PCDHGB1: variants seen among roughly 807,000 people sequenced by gnomAD.
PCDHGB1 encodes protocadherin gamma-B1.
A neutral mutation model predicts 56.6 loss-of-function variants in PCDHGB1; 34 were observed. The observed-to-expected ratio is 0.60, with a 90% CI of 0.46 to 0.80. PCDHGB1 has a LOEUF of 0.80. Among genes scored for constraint, PCDHGB1 ranks in the 30% least tolerant of loss-of-function variants. The pLI is 0.00. For missense variants in PCDHGB1, 1,278 were observed against 1,204.6 expected (o/e 1.06, Z -0.90); for synonymous variants, 561 against 505.9 (o/e 1.11, Z -1.46).
intron 1 of PCDHGB1, chr5:141,399,483 C>G (rs753137844): frequency 6.2e-7 from 1 of 1,613,930 alleles, no homozygotes; most frequent in African/African-American, 1.3e-5. Context: ...ACCAGGCGTC[C>G]TACTTAGTCA....
chr5:141,422,670 C>T, intron 1 of PCDHGB1: 1 of 1,607,244 alleles, frequency 6.2e-7, no homozygotes, highest in Non-Finnish European at 8.5e-7. Flanking sequence ...TCGACCCGGA[C>T]AGCAAACAGA....
At chr5:141,390,867 CGT>C (rs61319619) in intron 1 of PCDHGB1, 8,912 of 150,888 alleles carry the variant, frequency 0.059, 387 homozygotes, top group African/African-American at 0.12. Context: ...GCTGTGTGTG[CGT>C]GTGTGTGTGT....
intron 1 of PCDHGB1, chr5:141,404,823 G>A (rs1283913930): frequency 6.2e-7 from 1 of 1,610,946 alleles, no homozygotes. Flanking sequence ...CTGCACACAG[G>A]TGAAGTGCGC....
intron 1 of PCDHGB1, chr5:141,413,621 A>G (rs369411784): frequency 1.0e-4 from 161 of 1,613,784 alleles, no homozygotes; most frequent in Admixed American, 1.5e-4. Flanking sequence ...ATTAATGAAA[A>G]TGTCGCTGCG....
At chr5:141,375,619 G>A (rs373115950) in intron 1 of PCDHGB1, 123 of 1,614,098 alleles carry the variant, frequency 7.6e-5, no homozygotes, top group Non-Finnish European at 1.0e-4. Context: ...CCGACACTGG[G>A]ATTCTGTACG....
chr5:141,355,438 C>G, intron 1 of PCDHGB1: 3 of 1,614,084 alleles, frequency 1.9e-6, no homozygotes, highest in Non-Finnish European at 2.5e-6. Flanking sequence ...CCTGAACCCG[C>G]GCAGCGGCAC....
intron 1 of PCDHGB1, chr5:141,421,914 T>C: frequency 4.3e-6 from 7 of 1,613,742 alleles, no homozygotes; most frequent in Non-Finnish European, 5.9e-6. Flanking sequence ...CAGTTCCCAT[T>C]CGTGTGGTGG....
rs144695545 is a variant in PCDHGB1, at chr5:141,487,156, C to G, written c.2410-7651C>G. ...CACCACTCTCTACCTCTGTTACTCT[C>G]TTAGTGTCCTTAGAGGAAGACACTC... On this transcript the variant is annotated intron_variant, in intron 1 of 3. Transcript: ENST00000523390. This position sits in a 1 kb window ranked among gnomAD's most constrained non-coding sequence, Gnocchi z 5.0. 105 of 1,613,896 alleles carry G rather than the reference C, an allele frequency of 6.5e-5. No homozygotes were observed. In the African/African-American group the frequency reaches 1.2e-3, roughly 18 times the overall value.
rs199952854 is a variant in PCDHGB1 at position 141,477,297 on chromosome 5, G to T, written c.2410-17510G>T. 4 of 1,614,176 alleles carry T rather than the reference G, an allele frequency of 2.5e-6. No individual in the cohort carries two copies. Among genetic ancestry groups the T allele is most frequent in the Non-Finnish European group, 3.4e-6 (4 of 1,180,040 alleles). On this transcript the variant is annotated intron_variant, in intron 1 of 3. Coordinates refer to ENST00000523390, the MANE Select transcript of PCDHGB1 (RefSeq NM_018922.3). The surrounding 1 kb of genome is among the most constrained non-coding windows in gnomAD (Gnocchi z 4.9). ...CTGGTGACCTGCGAAGTTCCACCGGGTCTCCCTTTCAGCCTTACTTCTTCC... is the reference window on the plus strand; with the variant it reads ...CTGGTGACCTGCGAAGTTCCACCGGTTCTCCCTTTCAGCCTTACTTCTTCC...
chr5:141,353,496 T>C lies in PCDHGB1; in HGVS notation c.2409+827T>C, dbSNP rs568186327. ...TTAAGACTCTTAACACTTTGTCTCA[T>C]CACAAGTAGCAAATATTGTCCAATT... On this transcript the variant is annotated intron_variant, in intron 1 of 3. Coordinates refer to ENST00000523390, the MANE Select transcript of PCDHGB1 (RefSeq NM_018922.3). 2.6e-5 allele frequency among the ~76,000 whole-genome samples: 4 copies of C among 152,300 alleles called. No individual in the cohort carries two copies. The South Asian group carries it at 8.3e-4, about 32-fold the overall frequency.
intron 1 of PCDHGB1, chr5:141,418,797 A>T (rs201246978): frequency 1.9e-6 from 3 of 1,613,896 alleles, no homozygotes; most frequent in Non-Finnish European, 2.5e-6. Flanking sequence ...GAAGAAGTAG[A>T]AAGATATACG....
chr5:141,432,946 A>G lies in PCDHGB1; in HGVS notation c.2410-61861A>G. 2 of 1,614,130 alleles carry G rather than the reference A, an allele frequency of 1.2e-6. No individual in the cohort carries two copies. The highest frequency in any genetic ancestry group is 1.1e-5 in the South Asian group (1 of 91,080). ...AGTCACGCCTGCTGCAGGCTTCAGG[A>G]GGCGGCTTGACAGGAGCGCCGGCGT... is the stretch of plus-strand genomic sequence containing the variant. On this transcript the variant is annotated intron_variant, in intron 1 of 3. Coordinates refer to ENST00000523390, the MANE Select transcript of PCDHGB1 (RefSeq NM_018922.3). This position sits in a 1 kb window ranked among gnomAD's most constrained non-coding sequence, Gnocchi z 6.0.
In PCDHGB1 at chr5:141,490,242, T is replaced by G. The variant is rs2099697678; in HGVS notation, c.2410-4565T>G. 6.2e-7 allele frequency: 1 copy of G among 1,614,194 alleles called. No individual in the cohort carries two copies. The highest frequency in any genetic ancestry group is 8.5e-7 in the Non-Finnish European group (1 of 1,180,028). ...GACAGCCTGCCATGGAGGGCCACTG[T>G]GTGATTCAAGTGGATGTGGGGGATG... On this transcript the variant is annotated intron_variant, in intron 1 of 3. Transcript: ENST00000523390. The surrounding 1 kb of genome is among the most constrained non-coding windows in gnomAD (Gnocchi z 5.4).
intron 3 of PCDHGB1, chr5:141,506,958 A>C (rs529190059): frequency 1.6e-3 from 239 of 152,280 alleles, no homozygotes; most frequent in African/African-American, 5.5e-3. Flanking sequence ...GAATCCTCTC[A>C]ATAGCTCTGC....
chr5:141,419,402 T>G (rs2096376244), intron 1 of PCDHGB1: 1 of 1,613,378 alleles, frequency 6.2e-7, no homozygotes, highest in African/African-American at 1.3e-5. Flanking sequence ...CGGGGTGGTG[T>G]TCGCGCAGCG....
At chr5:141,356,931 G>A (rs1760396765) in intron 1 of PCDHGB1, 2 of 1,614,074 alleles carry the variant, frequency 1.2e-6, no homozygotes, top group Non-Finnish European at 1.7e-6. Context: ...GTGTGGAGCT[G>A]GCACCCCGCT....
At chr5:141,370,637 T>A (rs749641470) in intron 1 of PCDHGB1, 1 of 1,613,770 alleles carries the variant, frequency 6.2e-7, no homozygotes, top group South Asian at 1.1e-5. Flanking sequence ...GCCCCGAAAA[T>A]GGGAACTTAC....
At chr5:141,421,583 G>A (rs765321947) in intron 1 of PCDHGB1, 1 of 1,613,796 alleles carries the variant, frequency 6.2e-7, no homozygotes, top group African/African-American at 1.3e-5. Context: ...AAGATTTACG[G>A]AGTGGAGGTG....
intron 1 of PCDHGB1, chr5:141,374,678 A>C (rs753625335): frequency 1.2e-6 from 2 of 1,610,496 alleles, no homozygotes; most frequent in Admixed American, 1.7e-5. Flanking sequence ...GCTGGAGGGC[A>C]CACTGGACCG....
Sources: gnomAD v4.1 joint callset for allele counts (sites outside exome capture counted in the v4.1 genomes callset) on GRCh38, gnomAD v4.1.1 for gene constraint, Gnocchi (gnomAD v3.1) non-coding constraint, MANE v1.5 for transcripts, NCBI Gene and HGNC (gene_info 2026-07-23, HGNC 2026-07-21) for gene names.